Variants in TPCN2 observed in about 807,000 individuals in gnomAD.
TPCN2 encodes the protein two pore channel protein 2.
Under a neutral mutation model 111.4 loss-of-function variants are expected in TPCN2, and 92 were observed. The ratio of observed to expected loss-of-function variants is 0.83; its 90% confidence interval spans 0.70 to 0.98. The LOEUF (loss-of-function observed/expected upper bound fraction) is 0.98, where lower values mean the gene tolerates loss of function less well. Among genes scored for constraint, TPCN2 ranks in the 50% least tolerant of loss-of-function variants. The pLI is 0.00. For missense variants in TPCN2, 995 were observed against 980.1 expected (o/e 1.02, Z -0.20); for synonymous variants, 405 against 414.5 (o/e 0.98, Z 0.28).
chr11:69,067,419 C>T, intron 7 of TPCN2, 84 bp from the exon 8 acceptor site: 1 of 1,307,548 alleles, frequency 7.6e-7, no homozygotes, highest in Non-Finnish European at 1.1e-6. Flanking sequence ...GTGGATGGTT[C>T]CAGCCGGTTG....
rs963941474 is a variant in TPCN2, at chr11:69,085,365, TGGGCTCAGC to T, written c.1838+80_1838+88del. ...CGGGAAGCCTTGGCGGTGGCCTCAGTGGGCTCAGCATCTCAGGATGGGAGGGTGTTCTCC... is the reference window on the plus strand; with the variant it reads ...CGGGAAGCCTTGGCGGTGGCCTCAGTATCTCAGGATGGGAGGGTGTTCTCC... On this transcript the variant is annotated intron_variant, in intron 20 of 24. Coordinates refer to ENST00000294309, the MANE Select transcript of TPCN2 (RefSeq NM_139075.4). 1.8e-4 allele frequency: 246 copies of T among 1,388,798 alleles called. 3 individuals carry two copies. The highest frequency in any genetic ancestry group is 1.4e-3 in the Middle Eastern group (8 of 5,662). The allele number at this position is 1,388,798 out of a possible 1,614,324, so 86.0% of individuals were successfully genotyped here.
Position 69,088,069 on chromosome 11 carries a change from C to G in TPCN2, c.*116C>G. On this transcript the variant is annotated 3_prime_UTR_variant, in exon 25 of 25. Coordinates refer to ENST00000294309, the MANE Select transcript of TPCN2 (RefSeq NM_139075.4). ...AGCCAGGCAGGAAGAGACCTTTCCT[C>G]TGACGGACCACTAAGCTGGGGACAG... is the stretch of plus-strand genomic sequence containing the variant. 1 of 842,198 alleles carries G rather than the reference C, an allele frequency of 1.2e-6. No individual in the cohort carries two copies. 52.2% of individuals were successfully genotyped at this position (842,198 alleles called of 1,614,324 possible).
intron 4 of TPCN2, 28 bp downstream of exon 4, chr11:69,055,380 G>T: frequency 6.4e-7 from 1 of 1,572,610 alleles, no homozygotes. Flanking sequence ...CCCTCTACGT[G>T]CTGCCCCGGC....
intron 18 of TPCN2, among the ~76,000 whole-genome samples, 174 bp from the exon 19 acceptor site, chr11:69,083,771 G>A (rs576579191): frequency 6.6e-6 from 1 of 152,252 alleles, no homozygotes; most frequent in African/African-American, 2.4e-5. Context: ...GACAGGCTGT[G>A]TGGGTGTGTA....
At chr11:69,051,223 A>C (rs1290352093) in intron 1 of TPCN2, among the ~76,000 whole-genome samples, 1 of 152,208 alleles carries the variant, frequency 6.6e-6, no homozygotes, top group African/African-American at 2.4e-5. Context: ...GCCCCACCTG[A>C]TGGGGCCGGG....
In TPCN2 at chr11:69,065,110, G is replaced by A. The variant is rs535028621; in HGVS notation, c.726+1143G>A. Among the ~76,000 whole-genome samples the A allele has an allele frequency of 6.8e-4, 104 of 151,970 alleles. 4 individuals carry two copies. The South Asian group carries it at 0.021, about 31-fold the overall frequency. On this transcript the variant is annotated intron_variant, in intron 7 of 24. Coordinates refer to ENST00000294309, the MANE Select transcript of TPCN2 (RefSeq NM_139075.4). The stretch of plus-strand genomic sequence containing the variant: ...GTATGTCTCTGCGTGCGTGGTGTCT[G>A]TATGGCTGTGTGCGTGTGCATGTGT...
At chr11:69,079,402 G>A in intron 16 of TPCN2, 1 of 293,632 alleles carries the variant, frequency 3.4e-6, no homozygotes, top group East Asian at 6.8e-5. Flanking sequence ...TCAGGCACCA[G>A]GGTGTTCTTG....
Position 69,071,810 on chromosome 11 carries a change from C to A in TPCN2, c.961-113C>A, listed in dbSNP as rs1245094698. On this transcript the variant is annotated intron_variant, in intron 10 of 24. Transcript: ENST00000294309. ...CCCCAGGCTGTGGGGAACTGGGCCC[C>A]CCCCCAAGGCTGCCCAGACTCCCCC... 9.3e-6 allele frequency: 9 copies of A among 964,126 alleles called. No individual in the cohort carries two copies. In the East Asian group the frequency reaches 2.0e-4, roughly 21 times the overall value. The allele number at this position is 964,126 out of a possible 1,614,324, so 59.7% of individuals were successfully genotyped here. A position where few individuals can be genotyped will look rare whatever the true frequency, so the allele number is the denominator to read the frequency against.
At chr11:69,076,577 TCTGTCCCTCCACCTGCCCTCCTG>T (rs1855762457) in intron 13 of TPCN2, among the ~76,000 whole-genome samples, 1 of 38,798 alleles carries the variant, frequency 2.6e-5, no homozygotes, top group Non-Finnish European at 7.8e-5. Context: ...GCCCTCCTGC[TCTGTCCCTCCACCTGCCCTCCTG>T]CCGTGTCCCT....
In TPCN2 at chr11:69,072,681, C is replaced by T. The variant is rs749996309; in HGVS notation, c.1116C>T (p.Asp372=). 3 of 1,613,700 alleles carry T rather than the reference C, an allele frequency of 1.9e-6. No individual in the cohort carries two copies. Among genetic ancestry groups the T allele is most frequent in the Non-Finnish European group, 2.5e-6 (3 of 1,180,030 alleles). Residue 372 remains aspartate (D), a synonymous_variant, in exon 12 of 25, where the codon GAC becomes GAT. Coordinates refer to ENST00000294309, the MANE Select transcript of TPCN2 (RefSeq NM_139075.4). The stretch of plus-strand genomic sequence containing the variant: ...AGGTGCTTCAGAAGGTCCAGCTGGA[C>T]AGCTCCCACAAACAGGCCATGATGG... ...LLQVLQKVQL[D]SSHKQAMMEK... is the part of the protein sequence containing the mutation.
Position 69,087,143 on chromosome 11 carries a change from A to C in TPCN2, c.2117A>C (p.His706Pro), listed in dbSNP as rs1186918747. The stretch of plus-strand genomic sequence containing the variant: ...CTTCACAAGTGGGACCCCCGCAGCC[A>C]CCTGCAGCCCCTTGCTGGGACCCCA... ...NFLHKWDPRSHLQPLAGTPEA... is the reference protein window; with the variant it reads ...NFLHKWDPRSPLQPLAGTPEA... The change falls in exon 24 of 25, where the codon CAC (histidine) becomes CCC (proline). Residue 706 changes from histidine (H) to proline (P), a missense_variant. Transcript: ENST00000294309. 3.7e-6 allele frequency: 6 copies of C among 1,613,706 alleles called. No individual in the cohort carries two copies. The highest frequency in any genetic ancestry group is 1.3e-5 in the African/African-American group (1 of 74,886).
At chr11:69,063,118 G>T in intron 6 of TPCN2, 128 bp downstream of exon 6, 1 of 815,126 alleles carries the variant, frequency 1.2e-6, no homozygotes, top group South Asian at 1.6e-5. Context: ...TGGCTGGCTG[G>T]TGACGGTGTG....
chr11:69,078,308 C>T (rs1855874675), intron 13 of TPCN2, among the ~76,000 whole-genome samples, 174 bp from the exon 14 acceptor site: 1 of 152,140 alleles, frequency 6.6e-6, no homozygotes, highest in African/African-American at 2.4e-5. Flanking sequence ...AGATGAACAC[C>T]TTTGTGTATA....
chr11:69,054,326 G>T (rs930158734), intron 2 of TPCN2: 2 of 586,464 alleles, frequency 3.4e-6, no homozygotes, highest in Non-Finnish European at 6.1e-6. Context: ...GAGGCCTGTT[G>T]TGGACCACCC....
intron 13 of TPCN2, among the ~76,000 whole-genome samples, chr11:69,078,008 G>C (rs887951265): frequency 3.3e-5 from 5 of 152,180 alleles, no homozygotes; most frequent in African/African-American, 1.2e-4. Flanking sequence ...AGCGTGGGAA[G>C]TGCTGGGTCT....
chr11:69,066,253 G>A (rs1855268608), intron 7 of TPCN2, among the ~76,000 whole-genome samples: 1 of 152,104 alleles, frequency 6.6e-6, no homozygotes, highest in Non-Finnish European at 1.5e-5. Flanking sequence ...GCCGTCCCCG[G>A]TGACTGCTGG....
chr11:69,060,626 C>T (rs901283104), intron 5 of TPCN2, among the ~76,000 whole-genome samples: 5 of 152,162 alleles, frequency 3.3e-5, no homozygotes, highest in African/African-American at 7.2e-5. Flanking sequence ...TGTACCTTCC[C>T]GTCCTTATAG....
In TPCN2 at chr11:69,062,838, G is replaced by C. The variant is rs367847194; in HGVS notation, c.547-46G>C. 164 of 1,570,962 alleles carry C rather than the reference G, an allele frequency of 1.0e-4. No individual in the cohort carries two copies. In the South Asian group the frequency reaches 1.1e-3, roughly 10 times the overall value. Reference sequence around the variant, plus strand: ...CATCTGGGATGGTCGGTGAGGGGTAGAACTAAGCACTTGACGTGGTCCTCA... The same window carrying C: ...CATCTGGGATGGTCGGTGAGGGGTACAACTAAGCACTTGACGTGGTCCTCA... On this transcript the variant is annotated intron_variant, in intron 5 of 24. Transcript: ENST00000294309.
Position 69,062,937 on chromosome 11 carries a change from T to G in TPCN2, c.600T>G (p.Ser200=). Reference sequence around the variant, plus strand: ...CCTTCTTCCTGCTGCAGAACTCCTCTATGATGAAGAAGACCTTGAAATGCA... The same window carrying G: ...CCTTCTTCCTGCTGCAGAACTCCTCGATGATGAAGAAGACCTTGAAATGCA... ...LRPFFLLQNS[S]MMKKTLKCIR... Residue 200 remains serine, a synonymous_variant, in exon 6 of 25, where the codon TCT becomes TCG. Transcript: ENST00000294309. The G allele has an allele frequency of 6.2e-7, 1 of 1,613,990 alleles. No individual in the cohort carries two copies. Among genetic ancestry groups the G allele is most frequent in the East Asian group, 2.2e-5 (1 of 44,850 alleles).
Sources: allele counts gnomAD v4.1 joint callset (sites outside exome capture counted in the v4.1 genomes callset), GRCh38; gene constraint gnomAD v4.1.1; transcripts MANE v1.5; gene names NCBI Gene and HGNC (gene_info 2026-07-23, HGNC 2026-07-21).